The following WNK2 variants were observed in gnomAD, a reference collection of about 807,000 sequenced individuals.
WNK2 encodes the protein serine/threonine-protein kinase WNK2.
WNK2 carries 67 observed loss-of-function variants against 192.1 expected under a neutral mutation model. The observed-to-expected ratio is 0.35, with a 90% CI of 0.29 to 0.43. WNK2 has a LOEUF of 0.43. Ranked by LOEUF, WNK2 falls within the 20% of genes least tolerant of loss-of-function variation. The pLI, the probability that WNK2 is intolerant of heterozygous loss-of-function variation, is 1.00. For synonymous variants in WNK2, 1,439 were observed against 1,393.9 expected (o/e 1.03, Z -0.72); for missense variants, 2,698 against 3,089.7 (o/e 0.87, Z 3.01).
chr9:93,310,853 A>G (rs1488535992), intron 28 of WNK2, among the ~76,000 whole-genome samples: 4 of 152,260 alleles, frequency 2.6e-5, no homozygotes, highest in South Asian at 2.1e-4. Flanking sequence ...GGTCCCAGCC[A>G]CCCGGGAGGC....
chr9:93,299,141 G>A lies in WNK2; in HGVS notation c.5995G>A (p.Asp1999Asn). 1 of 1,612,128 alleles carries A rather than the reference G, an allele frequency of 6.2e-7. No individual in the cohort carries two copies. The part of the protein sequence containing the change: ...PAQASVGLTA[D>N]STGLSGKAVQ... Reference sequence around the variant, plus strand: ...CCAAGCCAGTGTGGGGCTCACTGCAGACAGCACGGGCCTGAGCGGGAAGGC... The same window carrying A: ...CCAAGCCAGTGTGGGGCTCACTGCAAACAGCACGGGCCTGAGCGGGAAGGC... The change falls in exon 25 of 30, where the codon GAC becomes AAC. Residue 1999 changes from aspartate to asparagine, a missense_variant. Around this residue, in one of 7 missense-constraint regions of WNK2, gnomAD observed 1,098 missense variants for 1,101.0 expected, o/e 1.00. Transcript: ENST00000427277.
chr9:93,256,580 G>A (rs1843330807), intron 10 of WNK2, 126 bp downstream of exon 10: 1 of 1,190,616 alleles, frequency 8.4e-7, no homozygotes. Flanking sequence ...GTTCCCCCAG[G>A]TCTTTGGTGT....
chr9:93,296,505 C>T (rs1176810464), intron 23 of WNK2, among the ~76,000 whole-genome samples: 20 of 28,432 alleles, frequency 7.0e-4, no homozygotes, highest in Admixed American at 1.5e-3. Flanking sequence ...CCTCCATCCT[C>T]CCCTCACCTT....
At chr9:93,276,089 A>T (rs1290213481) in intron 19 of WNK2, among the ~76,000 whole-genome samples, 2 of 152,252 alleles carry the variant, frequency 1.3e-5, no homozygotes, top group Admixed American at 1.3e-4. Flanking sequence ...TTTTGTAGAT[A>T]TTGACATTCT....
At chr9:93,184,556 C>T (rs983193553) in intron 1 of WNK2, among the ~76,000 whole-genome samples, 171 bp downstream of exon 1, 8 of 152,162 alleles carry the variant, frequency 5.3e-5, no homozygotes, top group Non-Finnish European at 1.0e-4. Flanking sequence ...CCCTTTACAG[C>T]TGCCTCCGGG....
At chr9:93,199,980 A>G (rs919732504) in intron 2 of WNK2, among the ~76,000 whole-genome samples, 6 of 151,392 alleles carry the variant, frequency 4.0e-5, no homozygotes, top group African/African-American at 1.5e-4. Context: ...GTGTGTGTCC[A>G]GGGCAGCCCC....
chr9:93,294,539 G>T (rs572740265), intron 23 of WNK2, among the ~76,000 whole-genome samples: 5 of 152,320 alleles, frequency 3.3e-5, no homozygotes, highest in Admixed American at 3.3e-4. Context: ...AGTGGTCAGG[G>T]TCAGCAGGCA....
chr9:93,267,609 CCT>C lies in WNK2; in HGVS notation c.3697-136_3697-135del, dbSNP rs558784670. On this transcript the variant is annotated intron_variant, in intron 16 of 29. Coordinates refer to ENST00000427277, the MANE Select transcript of WNK2 (RefSeq NM_006648.4). ...ATGTCACTTGCTGAGCTGTCCAGCCCCTGTCTTGGGGACTGCACCCTTTCACC... is the reference window on the plus strand; with the variant it reads ...ATGTCACTTGCTGAGCTGTCCAGCCCGTCTTGGGGACTGCACCCTTTCACC... 1,261 of 1,029,620 alleles carry C rather than the reference CCT, an allele frequency of 1.2e-3. 7 individuals carry two copies. The African/African-American group carries it at 0.018, about 15-fold the overall frequency. The allele number at this position is 1,029,620 out of a possible 1,614,324, so 63.8% of individuals were successfully genotyped here.
At chr9:93,200,774 C>T (rs535795315) in intron 2 of WNK2, among the ~76,000 whole-genome samples, 46 of 151,952 alleles carry the variant, frequency 3.0e-4, no homozygotes, top group Non-Finnish European at 5.1e-4. Context: ...CGGCCACCTG[C>T]GCCATTTGTA....
intron 2 of WNK2, among the ~76,000 whole-genome samples, chr9:93,186,561 TAG>T (rs1251481309): frequency 6.6e-6 from 1 of 152,164 alleles, no homozygotes; most frequent in Middle Eastern, 3.2e-3. Flanking sequence ...CCTGTAAAGT[TAG>T]CTGGCTGTCC....
At position 93,184,891 on chromosome 9, in the gene WNK2, C is replaced by A. The variant is rs374548949; in HGVS notation, c.-2-37C>A. ...GCGGCCTGGGCAGGTGCGGCAGGGC[C>A]GGCGCTCACGCGGGCCTGTGTGTCC... On this transcript the variant is annotated intron_variant, in intron 1 of 29. Coordinates refer to ENST00000427277, the MANE Select transcript of WNK2 (RefSeq NM_006648.4). 847 of 1,199,870 alleles carry A rather than the reference C, an allele frequency of 7.1e-4. 13 individuals are homozygous for A. The East Asian group carries it at 0.027, about 39-fold the overall frequency. The allele number at this position is 1,199,870 out of a possible 1,614,324, so 74.3% of individuals were successfully genotyped here. A position where few individuals can be genotyped will look rare whatever the true frequency, so the allele number is the denominator to read the frequency against.
At position 93,288,883 on chromosome 9, in the gene WNK2, C is replaced by T. The variant is rs1848868898; in HGVS notation, c.4129C>T (p.Pro1377Ser). The change falls in exon 20 of 30, where the codon CCT (proline) becomes TCT (serine). Residue 1377 changes from proline to serine, a missense_variant. By Grantham distance (74) the Pro-to-Ser change is moderately conservative. Around this residue, in one of 7 missense-constraint regions of WNK2, gnomAD observed 1,098 missense variants for 1,101.0 expected, o/e 1.00. Transcript: ENST00000427277. ...LLSQAGPSNP[P>S]GAPPAPLAPS... ...GAGCCAGGCGGGCCCCAGCAACCCTCCTGGGGCACCCCCAGCCCCTTTGGC... is the reference window on the plus strand; with the variant it reads ...GAGCCAGGCGGGCCCCAGCAACCCTTCTGGGGCACCCCCAGCCCCTTTGGC... 13 of 1,610,932 alleles carry T rather than the reference C, an allele frequency of 8.1e-6. No individual in the cohort carries two copies. In the African/African-American group the frequency reaches 1.1e-4, roughly 13 times the overall value.
intron 26 of WNK2, among the ~76,000 whole-genome samples, chr9:93,305,572 A>AACAG (rs1852371492): frequency 6.6e-6 from 1 of 152,236 alleles, no homozygotes; most frequent in African/African-American, 2.4e-5. Context: ...CTAGCTCAGG[A>AACAG]ACAGACAGAA....
intron 19 of WNK2, among the ~76,000 whole-genome samples, chr9:93,271,870 A>G (rs779814871): frequency 1.3e-5 from 2 of 152,258 alleles, no homozygotes; most frequent in Non-Finnish European, 2.9e-5. Flanking sequence ...AAAAGTAAAG[A>G]CAGCCAGACA....
intron 28 of WNK2, among the ~76,000 whole-genome samples, chr9:93,313,398 A>T (rs1405960885): frequency 9.4e-6 from 1 of 106,274 alleles, no homozygotes; most frequent in East Asian, 2.5e-4. Context: ...CTGTATCTTT[A>T]AAAAAAAAAA....
chr9:93,292,421 G>A (rs1295186556), intron 22 of WNK2, 25 bp downstream of exon 22: 1 of 1,613,900 alleles, frequency 6.2e-7, no homozygotes, highest in South Asian at 1.1e-5. Context: ...ACGACCCCCT[G>A]GCTGGTTGGC....
chr9:93,272,213 T>G (rs568083505), intron 19 of WNK2, among the ~76,000 whole-genome samples: 11 of 152,310 alleles, frequency 7.2e-5, no homozygotes, highest in Admixed American at 5.9e-4. Context: ...GTAAATATAA[T>G]AGACTATTCT....
At chr9:93,301,004 G>A (rs1851504626) in intron 26 of WNK2, among the ~76,000 whole-genome samples, 1 of 152,190 alleles carries the variant, frequency 6.6e-6, no homozygotes, top group African/African-American at 2.4e-5. Flanking sequence ...CCGCAGGGAT[G>A]AAGTCAATGA....
chr9:93,292,776 C>A lies in WNK2; in HGVS notation c.5311C>A (p.Pro1771Thr). ...SPHSLRYSAP[P>T]DVYLDEAPSS... is the part of the protein sequence containing the mutation. The stretch of plus-strand genomic sequence containing the variant: ...CCACAGCCTGAGATACTCTGCCCCA[C>A]CCGACGTCTACCTGGACGAGGCCCC... Residue 1771 changes from proline to threonine, a missense_variant, in exon 23 of 30, where the codon CCC (proline) becomes ACC (threonine). Physicochemically the swap from Pro to Thr is conservative, Grantham distance 38. This residue lies in a region of WNK2 where 1,098 missense variants were observed against 1,101.0 expected (regional missense o/e 1.00). Transcript: ENST00000427277. 1 of 1,559,064 alleles carries A rather than the reference C, an allele frequency of 6.4e-7. No homozygotes were observed. The highest frequency in any genetic ancestry group is 8.7e-7 in the Non-Finnish European group (1 of 1,153,048).
Sources: gnomAD v4.1 joint callset for allele counts (sites outside exome capture counted in the v4.1 genomes callset) on GRCh38, gnomAD v4.1.1 for gene constraint, gnomAD v4.1.1 regional missense constraint, MANE v1.5 for transcripts, NCBI Gene and HGNC (gene_info 2026-07-23, HGNC 2026-07-21) for gene names.